The following CARMIL1 variants were observed in gnomAD, a reference collection of about 807,000 sequenced individuals.
The protein encoded by CARMIL1 is capping protein regulator and myosin 1 linker 1, also known as F-actin-uncapping protein LRRC16A.
In CARMIL1, 90 loss-of-function variants were observed where a neutral mutation model predicts 177.1. The observed-to-expected ratio is 0.51, with a 90% CI of 0.43 to 0.61. The LOEUF (loss-of-function observed/expected upper bound fraction) is 0.61. Among genes scored for constraint, CARMIL1 ranks in the 20% least tolerant of loss-of-function variants. The pLI, the probability that CARMIL1 is intolerant of heterozygous loss-of-function variation, is 0.00. For synonymous variants in CARMIL1, 577 were observed against 606.2 expected, an observed-to-expected ratio of 0.95 and a Z score of 0.71; for missense variants, 1,380 against 1,667.0, an observed-to-expected ratio of 0.83 and a Z score of 3.00.
At chr6:25,357,514 G>A (rs1056394971) in intron 2 of CARMIL1, among the ~76,000 whole-genome samples, 2 of 152,226 alleles carry the variant, frequency 1.3e-5, no homozygotes, top group African/African-American at 4.8e-5. Context: ...AACCTGGGAA[G>A]CAGAGGTTGC....
intron 31 of CARMIL1, 33 bp from the exon 32 acceptor site, chr6:25,594,382 T>C: frequency 7.5e-7 from 1 of 1,340,700 alleles, no homozygotes; most frequent in Non-Finnish European, 1.1e-6. Flanking sequence ...TCAAGGTGCA[T>C]GTGAATTAAC....
intron 17 of CARMIL1, among the ~76,000 whole-genome samples, chr6:25,503,982 C>T (rs1294648382): frequency 6.6e-6 from 1 of 152,096 alleles, no homozygotes; most frequent in Non-Finnish European, 1.5e-5. Context: ...GAGCTCAATG[C>T]ATCCTGTGGG....
intron 29 of CARMIL1, among the ~76,000 whole-genome samples, chr6:25,571,297 A>G (rs1812043272): frequency 6.6e-6 from 1 of 152,212 alleles, no homozygotes; most frequent in Admixed American, 6.5e-5. Context: ...CATAATGACT[A>G]GTAATTTAAG....
At chr6:25,607,172 A>C (rs890886153) in intron 35 of CARMIL1, among the ~76,000 whole-genome samples, 10 of 147,090 alleles carry the variant, frequency 6.8e-5, no homozygotes, top group Admixed American at 2.8e-4. Context: ...CCAAACAAAC[A>C]AAAAAACACA....
At chr6:25,340,796 TTTTTTTTTA>T in intron 2 of CARMIL1, among the ~76,000 whole-genome samples, 2 of 135,134 alleles carry the variant, frequency 1.5e-5, no homozygotes, top group Admixed American at 7.5e-5. Context: ...TTTTTTTTTT[TTTTTTTTTA>T]AGTCGTGTAA....
At chr6:25,316,539 G>A (rs562191412) in intron 2 of CARMIL1, among the ~76,000 whole-genome samples, 33 of 151,800 alleles carry the variant, frequency 2.2e-4, no homozygotes, top group Non-Finnish European at 1.0e-4. Context: ...AGCCTCCCAA[G>A]TAGCTGGAAT....
intron 2 of CARMIL1, among the ~76,000 whole-genome samples, chr6:25,362,668 TC>T (rs1423521996): frequency 1.3e-5 from 2 of 152,014 alleles, no homozygotes. Flanking sequence ...AGACTCCGTC[TC>T]AAAAACAAAA....
At chr6:25,388,377 T>C (rs1292770155) in intron 2 of CARMIL1, 1 of 151,322 alleles carries the variant, frequency 6.6e-6, no homozygotes, top group Non-Finnish European at 1.5e-5. Flanking sequence ...TTTTGTTTTG[T>C]TTTGTTTGAG....
chr6:25,433,587 G>A (rs568473943), intron 4 of CARMIL1, among the ~76,000 whole-genome samples: 104 of 152,292 alleles, frequency 6.8e-4, no homozygotes, highest in African/African-American at 2.2e-3. Context: ...TTTTGCTAGA[G>A]GAATACCTCT....
intron 8 of CARMIL1, among the ~76,000 whole-genome samples, chr6:25,458,688 C>G (rs747406429): frequency 4.7e-4 from 72 of 151,998 alleles, no homozygotes; most frequent in Non-Finnish European, 9.6e-4. Context: ...GATGACAGCA[C>G]AGTGGTTAAG....
chr6:25,607,467 A>C (rs1816089303), intron 35 of CARMIL1, among the ~76,000 whole-genome samples: 1 of 152,138 alleles, frequency 6.6e-6, no homozygotes, highest in African/African-American at 2.4e-5. Context: ...GCTCCATTTT[A>C]CGGATGAGGA....
Position 25,449,887 on chromosome 6 carries a change from T to C in CARMIL1, c.372-11T>C, listed in dbSNP as rs1327481668. 6 of 1,553,660 alleles carry C rather than the reference T, an allele frequency of 3.9e-6. No individual in the cohort carries two copies. The highest frequency in any genetic ancestry group is 5.3e-6 in the Non-Finnish European group (6 of 1,134,490). ...GGTTTGTGAAATGTGTTGTTGTTGT[T>C]GATCTTACAGGAGAATCATGAAAAA... On this transcript the variant is annotated splice_polypyrimidine_tract_variant and intron_variant, in intron 5 of 36. Coordinates refer to ENST00000329474, the MANE Select transcript of CARMIL1 (RefSeq NM_017640.6).
intron 2 of CARMIL1, among the ~76,000 whole-genome samples, chr6:25,401,883 A>G (rs1438531996): frequency 6.6e-6 from 1 of 152,156 alleles, no homozygotes; most frequent in African/African-American, 2.4e-5. Context: ...AAGGTCTGAG[A>G]CAGAGGGCCG....
intron 21 of CARMIL1, among the ~76,000 whole-genome samples, chr6:25,516,295 C>T (rs1468347385): frequency 1.1e-5 from 1 of 93,192 alleles, no homozygotes; most frequent in Non-Finnish European, 2.2e-5. Flanking sequence ...TGGTTCAAAA[C>T]CCAAAACCAG....
intron 5 of CARMIL1, among the ~76,000 whole-genome samples, chr6:25,444,005 G>T (rs889549019): frequency 3.9e-5 from 6 of 152,080 alleles, no homozygotes; most frequent in Non-Finnish European, 7.4e-5. Flanking sequence ...GTTTCTCCAT[G>T]TTGGTCAGGC....
intron 4 of CARMIL1, chr6:25,433,114 G>A (rs1796955568): frequency 6.6e-6 from 1 of 152,094 alleles, no homozygotes; most frequent in Non-Finnish European, 1.5e-5. Flanking sequence ...TTATGCAAAG[G>A]TGGTGACATC....
chr6:25,521,565 C>G (rs570334914), intron 23 of CARMIL1, among the ~76,000 whole-genome samples: 4 of 152,112 alleles, frequency 2.6e-5, no homozygotes, highest in African/African-American at 7.2e-5. Context: ...GTCAGGAGAT[C>G]GAGACCATCC....
In CARMIL1 at chr6:25,288,015, C is replaced by T. The variant is rs1258442576; in HGVS notation, c.138+3106C>T. On this transcript the variant is annotated intron_variant, in intron 2 of 36. Transcript: ENST00000329474. ...CTTACAGTCTAGTTGGGGAGGTAAA[C>T]ATGTAGCCAGGCAGTGGTTTCAGAT... Among the ~76,000 whole-genome samples the T allele has an allele frequency of 3.3e-5, 5 of 152,256 alleles. No homozygotes were observed. The East Asian group carries it at 9.6e-4, about 29-fold the overall frequency.
At chr6:25,473,404 C>G (rs1801251691) in intron 11 of CARMIL1, among the ~76,000 whole-genome samples, 1 of 151,932 alleles carries the variant, frequency 6.6e-6, no homozygotes, top group South Asian at 2.1e-4. Context: ...GGAAGCCTTG[C>G]CAATAAAAAG....
Sources: gnomAD v4.1 joint callset for allele counts (sites outside exome capture counted in the v4.1 genomes callset) on GRCh38, gnomAD v4.1.1 for gene constraint, MANE v1.5 for transcripts, NCBI Gene and HGNC (gene_info 2026-07-23, HGNC 2026-07-21) for gene names.